MAN2A1: variants seen among roughly 807,000 people sequenced by gnomAD.
The protein encoded by MAN2A1 is alpha-mannosidase 2.
A neutral mutation model predicts 142.6 loss-of-function variants in MAN2A1; 76 were observed. The ratio of observed to expected loss-of-function variants is 0.53; its 90% CI spans 0.44 to 0.65. The LOEUF is 0.65. MAN2A1 is among the 30% of genes least tolerant of loss of function. The probability of loss-of-function intolerance (pLI) is 0.00; values close to 1 mark genes in which losing one functional copy is unlikely to be tolerated. For missense variants in MAN2A1, 1,311 were observed against 1,365.1 expected, an observed-to-expected ratio of 0.96 and a Z score of 0.62; for synonymous variants, 559 against 473.2, an observed-to-expected ratio of 1.18 and a Z score of -2.35.
In MAN2A1 at chr5:109,868,876, T is replaced by A. The variant is rs1241095927; in HGVS notation, c.*1878T>A. On this transcript the variant is annotated 3_prime_UTR_variant, in exon 22 of 22. Coordinates refer to ENST00000261483, the MANE Select transcript of MAN2A1 (RefSeq NM_002372.4). Reference sequence around the variant, plus strand: ...TAAATGTATAACCTTCCTGTGGGAGTTCAGTTTGTCTGTGGTTAAGTGGGT... The same window carrying A: ...TAAATGTATAACCTTCCTGTGGGAGATCAGTTTGTCTGTGGTTAAGTGGGT... 6.6e-6 allele frequency: 1 copy of A among 152,070 alleles called. No homozygotes were observed. The highest frequency in any genetic ancestry group is 1.5e-5 in the Non-Finnish European group (1 of 68,024). The allele number at this position is 152,070 out of a possible 1,614,324, so 9.4% of individuals were successfully genotyped here.
intron 16 of MAN2A1, among the ~76,000 whole-genome samples, chr5:109,832,919 C>T (rs1400960632): frequency 2.7e-5 from 4 of 150,492 alleles, no homozygotes; most frequent in African/African-American, 7.4e-5. Context: ...TCAGATGGGG[C>T]GGCAGGGCAG....
At chr5:109,834,584 G>A (rs76644717) in intron 16 of MAN2A1, among the ~76,000 whole-genome samples, 2,805 of 152,022 alleles carry the variant, frequency 0.018, 34 homozygotes, top group Middle Eastern at 0.071. Context: ...TACAGATTTA[G>A]TTTTTGACAT....
chr5:109,775,884 G>T (rs922051972), intron 8 of MAN2A1, among the ~76,000 whole-genome samples: 2 of 151,874 alleles, frequency 1.3e-5, no homozygotes, highest in Admixed American at 6.6e-5. Flanking sequence ...ATCATATATT[G>T]CATTTGATCA....
At chr5:109,693,116 A>T (rs1290944939) in intron 1 of MAN2A1, among the ~76,000 whole-genome samples, 1 of 152,122 alleles carries the variant, frequency 6.6e-6, no homozygotes. Context: ...TTATGACTAA[A>T]GGAACTTTTA....
chr5:109,747,510 C>T lies in MAN2A1; in HGVS notation c.708-7819C>T, dbSNP rs538697858. The stretch of plus-strand genomic sequence containing the variant: ...TTTGGAGATCTAGGTAATTTTTTAA[C>T]TTTTATCTTTGAAAACATCTGTTTG... On this transcript the variant is annotated intron_variant, in intron 4 of 21. Coordinates refer to ENST00000261483, the MANE Select transcript of MAN2A1 (RefSeq NM_002372.4). Among the ~76,000 whole-genome samples, 4 of 152,020 alleles carry T rather than the reference C, an allele frequency of 2.6e-5. 1 individual carries two copies. In the South Asian group the frequency reaches 8.3e-4, roughly 32 times the overall value.
chr5:109,856,025 A>C (rs900727047), intron 20 of MAN2A1, among the ~76,000 whole-genome samples: 2 of 152,200 alleles, frequency 1.3e-5, no homozygotes, highest in Admixed American at 1.3e-4. Context: ...AAGTATGAAA[A>C]GAAGAGGATG....
intron 4 of MAN2A1, among the ~76,000 whole-genome samples, chr5:109,752,772 A>G (rs1004276485): frequency 6.6e-6 from 1 of 152,232 alleles, no homozygotes; most frequent in Non-Finnish European, 1.5e-5. Context: ...CAAAATTAAT[A>G]GACAGAATAG....
intron 16 of MAN2A1, among the ~76,000 whole-genome samples, chr5:109,836,852 A>G (rs1755069759): frequency 6.6e-6 from 1 of 152,172 alleles, no homozygotes; most frequent in Admixed American, 6.6e-5. Flanking sequence ...ATGTGCAAGC[A>G]TACGTGCACC....
At chr5:109,864,459 C>A (rs1755831498) in intron 20 of MAN2A1, 1 of 152,186 alleles carries the variant, frequency 6.6e-6, no homozygotes, top group Non-Finnish European at 1.5e-5. Context: ...TTAAATGATA[C>A]ATCAAGCTGG....
At chr5:109,831,963 T>A (rs1243362655) in intron 16 of MAN2A1, among the ~76,000 whole-genome samples, 2 of 151,804 alleles carry the variant, frequency 1.3e-5, no homozygotes, top group Non-Finnish European at 2.9e-5. Context: ...TTTAATAATT[T>A]TATTTTATAA....
At chr5:109,755,492 G>A (rs754375783) in intron 5 of MAN2A1, 36 bp downstream of exon 5, 3 of 1,557,162 alleles carry the variant, frequency 1.9e-6, no homozygotes, top group African/African-American at 1.4e-5. Flanking sequence ...GGGCTATTTT[G>A]GACAGTTAAT....
chr5:109,723,335 G>A (rs1400049854), intron 3 of MAN2A1, among the ~76,000 whole-genome samples: 2 of 152,148 alleles, frequency 1.3e-5, no homozygotes, highest in Admixed American at 6.5e-5. Context: ...GGAAACCTGG[G>A]TTCAAAAGCA....
At chr5:109,734,385 A>T (rs1423019477) in intron 4 of MAN2A1, among the ~76,000 whole-genome samples, 31 of 146,250 alleles carry the variant, frequency 2.1e-4, no homozygotes, top group Non-Finnish European at 3.3e-4. Context: ...TTCTGCTCTG[A>T]TGTTAGTTAT....
chr5:109,820,031 C>T (rs1286786791), intron 14 of MAN2A1, 144 bp downstream of exon 14: 3 of 799,358 alleles, frequency 3.8e-6, no homozygotes, highest in Non-Finnish European at 5.9e-6. Flanking sequence ...GAGCTTTTTG[C>T]ACCTTCATTG....
intron 15 of MAN2A1, among the ~76,000 whole-genome samples, chr5:109,821,035 T>A (rs1180572093): frequency 6.6e-6 from 1 of 152,210 alleles, no homozygotes; most frequent in African/African-American, 2.4e-5. Flanking sequence ...TTTCTCACTC[T>A]TGACTATAAA....
At chr5:109,811,157 T>A (rs1754306951) in intron 12 of MAN2A1, among the ~76,000 whole-genome samples, 1 of 152,162 alleles carries the variant, frequency 6.6e-6, no homozygotes, top group Non-Finnish European at 1.5e-5. Flanking sequence ...CTACTAACTT[T>A]GTATCTTTTT....
At chr5:109,765,567 AT>A (rs1345630098) in intron 5 of MAN2A1, among the ~76,000 whole-genome samples, 1 of 152,130 alleles carries the variant, frequency 6.6e-6, no homozygotes, top group African/African-American at 2.4e-5. Flanking sequence ...TCTAATTAAT[AT>A]GTGGGAGATA....
chr5:109,713,426 G>GT, intron 1 of MAN2A1, 94 bp from the exon 2 acceptor site: 1 of 1,089,974 alleles, frequency 9.2e-7, no homozygotes, highest in Non-Finnish European at 1.3e-6. Flanking sequence ...GGCTGCCCTC[G>GT]TAGGCAACCA....
chr5:109,729,061 T>C (rs1283958006), intron 3 of MAN2A1, among the ~76,000 whole-genome samples: 4 of 152,106 alleles, frequency 2.6e-5, no homozygotes, highest in African/African-American at 7.2e-5. Flanking sequence ...TATTAAAATA[T>C]AAATAACTGC....
Sources: gnomAD v4.1 joint callset for allele counts (sites outside exome capture counted in the v4.1 genomes callset) on GRCh38, gnomAD v4.1.1 for gene constraint, MANE v1.5 for transcripts, NCBI Gene and HGNC (gene_info 2026-07-23, HGNC 2026-07-21) for gene names.